The following PIGN variants were observed in gnomAD, a reference collection of about 807,000 sequenced individuals.
The protein encoded by PIGN is GPI ethanolamine phosphate transferase 1.
A neutral mutation model predicts 125.4 loss-of-function variants in PIGN; 117 were observed. The ratio of observed to expected loss-of-function variants is 0.93; its 90% CI spans 0.80 to 1.09. The LOEUF is 1.09. Ranked by LOEUF, PIGN falls within the 50% of genes least tolerant of loss-of-function variation. The pLI, the probability that PIGN is intolerant of heterozygous loss-of-function variation, is 0.00. For missense variants in PIGN, 1,075 were observed against 1,094.9 expected (o/e 0.98, Z 0.26); for synonymous variants, 392 against 377.8 (o/e 1.04, Z -0.44).
intron 7 of PIGN, 128 bp from the exon 8 acceptor site, chr18:62,148,466 T>C (rs759631184): frequency 9.0e-6 from 5 of 555,104 alleles, no homozygotes; most frequent in Non-Finnish European, 1.5e-5. Flanking sequence ...AAATCTGTGC[T>C]CAAGACCTAC....
chr18:62,037,792 C>T (rs1468011566), downstream of PIGN, among the ~76,000 whole-genome samples: 1 of 152,208 alleles, frequency 6.6e-6, no homozygotes, highest in African/African-American at 2.4e-5. Context: ...GAGCCTAAGA[C>T]ATCCTTCTTG....
chr18:62,166,443 T>A (rs1207442355), intron 1 of PIGN, among the ~76,000 whole-genome samples: 1 of 152,234 alleles, frequency 6.6e-6, no homozygotes, highest in Non-Finnish European at 1.5e-5. Flanking sequence ...AGGAATGTTT[T>A]TACACTGTTG....
intron 14 of PIGN, among the ~76,000 whole-genome samples, chr18:62,119,372 T>A (rs1386329591): frequency 6.6e-6 from 1 of 152,060 alleles, no homozygotes; most frequent in East Asian, 1.9e-4. Context: ...TTATGGTTAA[T>A]ATGTCAAGAA....
chr18:62,131,914 C>T (rs1412902108), intron 14 of PIGN, among the ~76,000 whole-genome samples: 4 of 151,870 alleles, frequency 2.6e-5, no homozygotes, highest in South Asian at 2.1e-4. Context: ...AATCATGTCA[C>T]GAAAATTTTG....
chr18:62,086,100 G>A (rs1366156710), intron 25 of PIGN, among the ~76,000 whole-genome samples: 2 of 152,082 alleles, frequency 1.3e-5, no homozygotes, highest in Non-Finnish European at 1.5e-5. Context: ...GACAGAGATA[G>A]GCACTAAGAA....
intron 22 of PIGN, among the ~76,000 whole-genome samples, chr18:62,099,250 A>AACAGC (rs1162926623): frequency 6.6e-6 from 1 of 152,166 alleles, no homozygotes; most frequent in Non-Finnish European, 1.5e-5. Context: ...GGCAAATGGA[A>AACAGC]ACAGCACGAA....
intron 21 of PIGN, among the ~76,000 whole-genome samples, chr18:62,101,423 A>G (rs963110015): frequency 1.4e-4 from 21 of 152,200 alleles, no homozygotes; most frequent in African/African-American, 4.8e-4. Context: ...GCACGTAAGA[A>G]TGTTAGCATG....
At chr18:62,091,599 T>G (rs1416494616) in intron 23 of PIGN, among the ~76,000 whole-genome samples, 1 of 152,180 alleles carries the variant, frequency 6.6e-6, no homozygotes, top group African/African-American at 2.4e-5. Context: ...ACAACCTACA[T>G]GTCCACCGGG....
At chr18:62,142,135 C>T (rs2147200967) in intron 11 of PIGN, among the ~76,000 whole-genome samples, 1 of 152,318 alleles carries the variant, frequency 6.6e-6, no homozygotes, top group Non-Finnish European at 1.5e-5. Flanking sequence ...TGATGAGTAT[C>T]TGTTCTTACC....
At chr18:62,080,502 A>G (rs1400652146) in intron 28 of PIGN, among the ~76,000 whole-genome samples, 4 of 152,214 alleles carry the variant, frequency 2.6e-5, no homozygotes, top group Non-Finnish European at 4.4e-5. Flanking sequence ...CCATAGAGAC[A>G]TAGTCAGAAA....
At chr18:62,115,811 T>C (rs1374269862) in intron 14 of PIGN, among the ~76,000 whole-genome samples, 1 of 152,116 alleles carries the variant, frequency 6.6e-6, no homozygotes, top group Non-Finnish European at 1.5e-5. Flanking sequence ...TGGGATACTC[T>C]GATTAAGGAT....
At chr18:62,146,718 C>T (rs2147281485) in intron 9 of PIGN, among the ~76,000 whole-genome samples, 1 of 152,190 alleles carries the variant, frequency 6.6e-6, no homozygotes, top group African/African-American at 2.4e-5. Context: ...TAAATAATAG[C>T]TACTTTTTAT....
intron 14 of PIGN, among the ~76,000 whole-genome samples, chr18:62,124,904 TA>T (rs1306077412): frequency 6.6e-6 from 1 of 152,086 alleles, no homozygotes; most frequent in Non-Finnish European, 1.5e-5. Context: ...CTTTTAAAAA[TA>T]TTTTTCTCGT....
At chr18:62,164,415 C>T (rs2037059129) in intron 1 of PIGN, among the ~76,000 whole-genome samples, 1 of 152,170 alleles carries the variant, frequency 6.6e-6, no homozygotes, top group South Asian at 2.1e-4. Context: ...TAACAGGAAG[C>T]ATGACTGCGA....
intron 1 of PIGN, among the ~76,000 whole-genome samples, chr18:62,174,743 T>C (rs1267163822): frequency 6.6e-6 from 1 of 152,012 alleles, no homozygotes; most frequent in East Asian, 1.9e-4. Context: ...TGCTAATGCA[T>C]TATTTTTAAA....
intron 30 of PIGN, among the ~76,000 whole-genome samples, chr18:62,053,560 T>G (rs1224259616): frequency 6.6e-6 from 1 of 152,154 alleles, no homozygotes; most frequent in African/African-American, 2.4e-5. Context: ...TAAAAGACAC[T>G]CACTTCAATT....
At chr18:62,168,109 C>T (rs948435553) in intron 1 of PIGN, among the ~76,000 whole-genome samples, 1 of 151,754 alleles carries the variant, frequency 6.6e-6, no homozygotes, top group African/African-American at 2.4e-5. Context: ...GCTTGAACCC[C>T]GGAGGCAGAG....
chr18:62,180,822 A>G (rs971186914), intron 1 of PIGN, among the ~76,000 whole-genome samples: 2 of 152,114 alleles, frequency 1.3e-5, no homozygotes, highest in Non-Finnish European at 2.9e-5. Flanking sequence ...GTTAAAATAA[A>G]TTTTTCAACT....
At position 62,044,591 on chromosome 18, in the gene PIGN, T is replaced by A. The variant is rs1257923682; in HGVS notation, c.*1265A>T. ...ACTATACTTCATCATAAATAGAAAT[T>A]AAGAAAGTACACTTTGCCAAACTGA... On this transcript the variant is annotated 3_prime_UTR_variant, in exon 31 of 31. Coordinates refer to ENST00000640252, the MANE Select transcript of PIGN (RefSeq NM_176787.5). 1 of 149,376 alleles carries A rather than the reference T, an allele frequency of 6.7e-6. No individual in the cohort carries two copies. Among genetic ancestry groups the A allele is most frequent in the Non-Finnish European group, 1.5e-5 (1 of 67,626 alleles). 9.3% of individuals were successfully genotyped at this position (149,376 alleles called of 1,614,324 possible). A position where few individuals can be genotyped will look rare whatever the true frequency, so the allele number is the denominator to read the frequency against.
Sources: gnomAD v4.1 joint callset for allele counts (sites outside exome capture counted in the v4.1 genomes callset) on GRCh38, gnomAD v4.1.1 for gene constraint, MANE v1.5 for transcripts, NCBI Gene and HGNC (gene_info 2026-07-23, HGNC 2026-07-21) for gene names.